The following SLC38A11 variants were observed in gnomAD, a reference collection of about 807,000 sequenced individuals.
The protein encoded by SLC38A11 is solute carrier family 38 member 11.
Under a neutral mutation model 49.4 loss-of-function variants are expected in SLC38A11, and 51 were observed. The ratio of observed to expected loss-of-function variants is 1.03; its 90% CI spans 0.83 to 1.30. The LOEUF (loss-of-function observed/expected upper bound fraction) is 1.30, where lower values mean the gene tolerates loss of function less well. SLC38A11 is among the 50% of genes most tolerant of loss of function. The pLI is 0.00. For synonymous variants in SLC38A11, 203 were observed against 192.9 expected (o/e 1.05, Z -0.43); for missense variants, 574 against 556.2 (o/e 1.03, Z -0.32).
chr2:164,925,373 AT>A (rs1686499906), intron 7 of SLC38A11, among the ~76,000 whole-genome samples: 1 of 152,236 alleles, frequency 6.6e-6, no homozygotes, highest in African/African-American at 2.4e-5. Context: ...TTAAAATATC[AT>A]GTGAATTTAA....
At chr2:164,938,313 A>G (rs1687516079) in intron 6 of SLC38A11, among the ~76,000 whole-genome samples, 1 of 152,120 alleles carries the variant, frequency 6.6e-6, no homozygotes, top group South Asian at 2.1e-4. Context: ...CAGAGAGGGA[A>G]CTCAAGTACA....
intron 3 of SLC38A11, among the ~76,000 whole-genome samples, chr2:164,952,396 C>T (rs1688582231): frequency 6.6e-6 from 1 of 152,164 alleles, no homozygotes; most frequent in Non-Finnish European, 1.5e-5. Flanking sequence ...AGAGCACAGT[C>T]GTCTCTTAGC....
chr2:164,899,952 T>C (rs1223597444), intron 11 of SLC38A11, among the ~76,000 whole-genome samples: 1 of 152,118 alleles, frequency 6.6e-6, no homozygotes, highest in Admixed American at 6.6e-5. Flanking sequence ...TTCCTCCCTT[T>C]GTTTCCTGCC....
In SLC38A11 at chr2:164,897,773, G is replaced by A. The variant is rs560044006; in HGVS notation, c.*664C>T. ...TTTTTGTTTGTTTGTTTGTTTTTCT[G>A]TTTTAGAATGGTGCTACCATTGTAT... On this transcript the variant is annotated 3_prime_UTR_variant, in exon 12 of 12. Coordinates refer to ENST00000685975, the MANE Select transcript of SLC38A11 (RefSeq NM_001351537.2). 6.6e-6 allele frequency: 1 copy of A among 152,200 alleles called. No homozygotes were observed. The highest frequency in any genetic ancestry group is 1.9e-4 in the East Asian group (1 of 5,150). 9.4% of individuals were successfully genotyped at this position (152,200 alleles called of 1,614,324 possible).
In SLC38A11 at chr2:164,915,372, A is replaced by T. The variant is rs79066756; in HGVS notation, c.689-99T>A. 1,270 of 1,042,974 alleles carry T rather than the reference A, an allele frequency of 1.2e-3. 7 individuals are homozygous for T. The African/African-American group carries it at 0.019, about 16-fold the overall frequency. 64.6% of individuals were successfully genotyped at this position (1,042,974 alleles called of 1,614,324 possible). Reference sequence around the variant, plus strand: ...TATATACTACTTTAGATGCCAATGAACTGAAGTTTAAACATACAACTTTAT... The same window carrying T: ...TATATACTACTTTAGATGCCAATGATCTGAAGTTTAAACATACAACTTTAT... On this transcript the variant is annotated intron_variant, in intron 8 of 11. Coordinates refer to ENST00000685975, the MANE Select transcript of SLC38A11 (RefSeq NM_001351537.2).
In SLC38A11 at chr2:164,947,217, C is replaced by T. The variant is rs142341852; in HGVS notation, c.230-1490G>A. ...TGCCATCCTGGCTCACTGCAACTTCCGCCTCCTGGGTTCAAATGATTTTCC... is the reference window on the plus strand; with the variant it reads ...TGCCATCCTGGCTCACTGCAACTTCTGCCTCCTGGGTTCAAATGATTTTCC... On this transcript the variant is annotated intron_variant, in intron 3 of 11. Coordinates refer to ENST00000685975, the MANE Select transcript of SLC38A11 (RefSeq NM_001351537.2). Among the ~76,000 whole-genome samples the T allele has an allele frequency of 1.0e-4, 15 of 147,696 alleles. No individual in the cohort carries two copies. The East Asian group carries it at 2.0e-3, about 20-fold the overall frequency.
At chr2:164,910,627 C>T (rs1298789426) in intron 10 of SLC38A11, among the ~76,000 whole-genome samples, 1 of 152,054 alleles carries the variant, frequency 6.6e-6, no homozygotes, top group Non-Finnish European at 1.5e-5. Context: ...CTGGGACTGA[C>T]TTAAAGTAAG....
At chr2:164,904,771 T>C (rs956030967) in intron 11 of SLC38A11, among the ~76,000 whole-genome samples, 10 of 152,208 alleles carry the variant, frequency 6.6e-5, no homozygotes, top group Admixed American at 5.2e-4. Flanking sequence ...ATATGTATCA[T>C]AGATTACTCT....
At chr2:164,918,455 G>A (rs1445288641) in intron 7 of SLC38A11, among the ~76,000 whole-genome samples, 1 of 152,078 alleles carries the variant, frequency 6.6e-6, no homozygotes, top group Admixed American at 6.6e-5. Context: ...AAAACATGGT[G>A]AGCAAACTAA....
intron 7 of SLC38A11, among the ~76,000 whole-genome samples, chr2:164,936,351 T>C (rs1290881400): frequency 6.6e-6 from 1 of 152,150 alleles, no homozygotes; most frequent in South Asian, 2.1e-4. Context: ...GGAAAATGAA[T>C]TAATTTTGCA....
At chr2:164,939,195 A>G (rs1687576027) in intron 6 of SLC38A11, among the ~76,000 whole-genome samples, 1 of 152,168 alleles carries the variant, frequency 6.6e-6, no homozygotes, top group Non-Finnish European at 1.5e-5. Context: ...TTCTAAATTT[A>G]AAATGTGCTG....
chr2:164,932,533 T>C (rs1559114787), intron 7 of SLC38A11, among the ~76,000 whole-genome samples: 1 of 152,152 alleles, frequency 6.6e-6, no homozygotes. Context: ...ATGTGGTACA[T>C]GTACACCATG....
intron 7 of SLC38A11, among the ~76,000 whole-genome samples, chr2:164,927,967 A>ATG: frequency 6.6e-6 from 1 of 152,308 alleles, no homozygotes; most frequent in South Asian, 2.1e-4. Context: ...ATTGGTTCAA[A>ATG]GAACAGGTTC....
At chr2:164,919,713 A>C (rs1686045914) in intron 7 of SLC38A11, among the ~76,000 whole-genome samples, 1 of 152,202 alleles carries the variant, frequency 6.6e-6, no homozygotes, top group Non-Finnish European at 1.5e-5. Context: ...ATCTAATACA[A>C]TGTAAATTCT....
At chr2:164,936,814 A>C (rs1352458854) in intron 7 of SLC38A11, among the ~76,000 whole-genome samples, 1 of 149,634 alleles carries the variant, frequency 6.7e-6, no homozygotes, top group Non-Finnish European at 1.5e-5. Flanking sequence ...TGGGGGAACT[A>C]ATACCAATTT....
intron 9 of SLC38A11, among the ~76,000 whole-genome samples, chr2:164,913,277 A>G (rs1439248952): frequency 6.6e-6 from 1 of 152,064 alleles, no homozygotes; most frequent in Non-Finnish European, 1.5e-5. Context: ...AGGTTGACTG[A>G]AAAGATTCCA....
intron 3 of SLC38A11, among the ~76,000 whole-genome samples, chr2:164,952,047 G>C (rs1481853349): frequency 6.6e-6 from 1 of 152,144 alleles, no homozygotes; most frequent in African/African-American, 2.4e-5. Context: ...AAGGTGAGAT[G>C]GTGGGATGAC....
In SLC38A11 at chr2:164,896,489, G is replaced by C. The variant is rs938893928; in HGVS notation, c.*1948C>G. The C allele has an allele frequency of 5.9e-5, 9 of 152,016 alleles. No homozygotes were observed. Among genetic ancestry groups the C allele is most frequent in the African/African-American group, 2.2e-4 (9 of 41,450 alleles). The allele number at this position is 152,016 out of a possible 1,614,324, so 9.4% of individuals were successfully genotyped here. The stretch of plus-strand genomic sequence containing the variant: ...CATGACTTTATTTAATAATTATGTA[G>C]GTCAGTGTTTCTCAGTCTTGAGCAA... On this transcript the variant is annotated 3_prime_UTR_variant, in exon 12 of 12. Coordinates refer to ENST00000685975, the MANE Select transcript of SLC38A11 (RefSeq NM_001351537.2).
intron 3 of SLC38A11, among the ~76,000 whole-genome samples, chr2:164,948,861 T>C (rs1194433313): frequency 6.6e-6 from 1 of 151,134 alleles, no homozygotes; most frequent in African/African-American, 2.4e-5. Context: ...CACATTTCCA[T>C]CTGCTTCCAT....
Sources: allele counts gnomAD v4.1 joint callset (sites outside exome capture counted in the v4.1 genomes callset), GRCh38; gene constraint gnomAD v4.1.1; transcripts MANE v1.5; gene names NCBI Gene and HGNC (gene_info 2026-07-23, HGNC 2026-07-21).